Variants in OSBP2 observed in about 807,000 individuals in gnomAD.
OSBP2 encodes oxysterol binding protein 2.
A neutral mutation model predicts 96.0 loss-of-function variants in OSBP2; 66 were observed. The observed-to-expected ratio is 0.69, with a 90% CI of 0.56 to 0.84. The LOEUF (loss-of-function observed/expected upper bound fraction) is 0.84, where lower values mean the gene tolerates loss of function less well. OSBP2 is among the 40% of genes least tolerant of loss of function. The probability of loss-of-function intolerance (pLI) is 0.00; values close to 1 mark genes in which losing one functional copy is unlikely to be tolerated. For missense variants in OSBP2, 1,038 were observed against 1,222.7 expected (o/e 0.85, Z 2.25); for synonymous variants, 525 against 520.9 (o/e 1.01, Z -0.11).
intron 1 of OSBP2, among the ~76,000 whole-genome samples, chr22:30,730,808 A>ATATATATATAT (rs1491303061): frequency 8.4e-4 from 33 of 39,300 alleles, no homozygotes; most frequent in Non-Finnish European, 1.2e-3. Flanking sequence ...ATATATATAT[A>ATATATATATAT]ATTTTTTTTT....
Position 30,871,299 on chromosome 22 carries a change from A to G in OSBP2, c.1107+617A>G, listed in dbSNP as rs571450939. Among the ~76,000 whole-genome samples, 45 of 152,118 alleles carry G rather than the reference A, an allele frequency of 3.0e-4. No individual in the cohort carries two copies. The South Asian group carries it at 4.8e-3, about 16-fold the overall frequency. On this transcript the variant is annotated intron_variant, in intron 3 of 13. Transcript: ENST00000332585. The surrounding 1 kb of genome is among the most constrained non-coding windows in gnomAD (Gnocchi z 4.7). Reference sequence around the variant, plus strand: ...TGGCTCTGGAAGCCACACGGCTAGGACTGGGAGCCAGGAGGGTGTCTCGAT... The same window carrying G: ...TGGCTCTGGAAGCCACACGGCTAGGGCTGGGAGCCAGGAGGGTGTCTCGAT...
chr22:30,744,498 T>A (rs1247607520), intron 2 of OSBP2, among the ~76,000 whole-genome samples: 1 of 152,184 alleles, frequency 6.6e-6, no homozygotes, highest in Non-Finnish European at 1.5e-5. Context: ...ACTCCCCAGC[T>A]CTTTTGCCAT....
chr22:30,804,066 C>G (rs2036421929), intron 2 of OSBP2, among the ~76,000 whole-genome samples: 2 of 152,182 alleles, frequency 1.3e-5, no homozygotes, highest in African/African-American at 4.8e-5. Flanking sequence ...GCCTTCGACC[C>G]TACCAGCATT....
At chr22:30,718,285 G>A (rs973113347) in intron 1 of OSBP2, among the ~76,000 whole-genome samples, 6 of 152,192 alleles carry the variant, frequency 3.9e-5, no homozygotes. Flanking sequence ...TTCAGGGATG[G>A]CAGAAAGAAA....
At chr22:30,796,907 G>T (rs1297842963) in intron 2 of OSBP2, among the ~76,000 whole-genome samples, 1 of 152,154 alleles carries the variant, frequency 6.6e-6, no homozygotes, top group Non-Finnish European at 1.5e-5. Flanking sequence ...TATTAGTGTT[G>T]TTGTGCATCC....
intron 12 of OSBP2, chr22:30,902,309 C>CGGG: frequency 6.3e-7 from 1 of 1,580,728 alleles, no homozygotes; most frequent in Non-Finnish European, 8.7e-7. Flanking sequence ...AAGGAGTGTA[C>CGGG]GGGTAGTCAG....
Position 30,695,173 on chromosome 22 carries a change from TG to T in OSBP2, c.265del (p.Glu89SerfsTer26). 1.2e-6 allele frequency: 2 copies of T among 1,611,930 alleles called. No individual in the cohort carries two copies. The highest frequency in any genetic ancestry group is 1.7e-6 in the Non-Finnish European group (2 of 1,178,770). On this transcript the variant is annotated frameshift_variant, in exon 1 of 14. Coordinates refer to ENST00000332585, the MANE Select transcript of OSBP2 (RefSeq NM_030758.4). LOFTEE classifies it high-confidence loss of function. ...CGGAACCTGTGTCCGAGACGACGTC[TG>T]AGCCGGAGCCAGGGGCTGGGCAGCC... ...RSEPVSETTS[E>X]PEPGAGQPSE... is the part of the protein sequence containing the mutation.
chr22:30,700,659 C>A (rs779453921), intron 1 of OSBP2, among the ~76,000 whole-genome samples: 9 of 152,012 alleles, frequency 5.9e-5, no homozygotes, highest in Non-Finnish European at 8.8e-5. Context: ...CAAACAGAAG[C>A]ATTTTAAATA....
rs560754970 is a variant in OSBP2, at chr22:30,732,941, T to TAA, written c.645-8219_645-8218dup. Among the ~76,000 whole-genome samples, 707 of 152,304 alleles carry TAA rather than the reference T, an allele frequency of 4.6e-3. 1 individual carries two copies. Among genetic ancestry groups the TAA allele is most frequent in the South Asian group, 8.7e-3 (42 of 4,828 alleles). ...CTAGGCTGAAATGGGCCACTTTGTA[T>TAA]AAGGCTGTATCGAATGGAAGTCCAG... On this transcript the variant is annotated intron_variant, in intron 1 of 13. Transcript: ENST00000332585.
At chr22:30,805,699 G>A (rs1002956855) in intron 2 of OSBP2, among the ~76,000 whole-genome samples, 6 of 152,318 alleles carry the variant, frequency 3.9e-5, no homozygotes, top group African/African-American at 1.4e-4. Flanking sequence ...GCCATGAAAG[G>A]ACTCAATAGC....
intron 12 of OSBP2, among the ~76,000 whole-genome samples, chr22:30,894,687 A>C (rs1318656964): frequency 6.6e-6 from 1 of 152,252 alleles, no homozygotes; most frequent in African/African-American, 2.4e-5. Flanking sequence ...ATAACAAAGA[A>C]ATTCCTGCAC....
intron 2 of OSBP2, among the ~76,000 whole-genome samples, chr22:30,757,116 T>C (rs73400388): frequency 0.083 from 12,700 of 152,148 alleles, 1,419 homozygotes; most frequent in African/African-American, 0.26. Flanking sequence ...CTGTCCCCTT[T>C]GTGTGAGTCC....
chr22:30,799,682 G>T (rs1340701136), intron 2 of OSBP2, among the ~76,000 whole-genome samples: 1 of 152,244 alleles, frequency 6.6e-6, no homozygotes, highest in Non-Finnish European at 1.5e-5. Flanking sequence ...GATAGAAGTG[G>T]CAAATGCCTT....
At chr22:30,827,793 A>G (rs2038434487) in intron 2 of OSBP2, among the ~76,000 whole-genome samples, 1 of 152,182 alleles carries the variant, frequency 6.6e-6, no homozygotes, top group Non-Finnish European at 1.5e-5. Flanking sequence ...GCAGCTTGGA[A>G]TAAGGGGAAA....
Position 30,822,335 on chromosome 22 carries a change from G to A in OSBP2, c.854-48094G>A, listed in dbSNP as rs2038291223. Among the ~76,000 whole-genome samples, 3 of 152,376 alleles carry A rather than the reference G, an allele frequency of 2.0e-5. No homozygotes were observed. In the South Asian group the frequency reaches 6.2e-4, roughly 32 times the overall value. On this transcript the variant is annotated intron_variant, in intron 2 of 13. Transcript: ENST00000332585. ...GGGAGCCTGCATGGGCGTCCGCGGG[G>A]TCGCACGGACCAGCAGGCGACGCGC...
chr22:30,822,844 A>T (rs942521716), intron 2 of OSBP2: 48 of 723,212 alleles, frequency 6.6e-5, no homozygotes, highest in Non-Finnish European at 9.7e-5. Context: ...GAGCGCGGGG[A>T]GCCTCGGGGA....
intron 2 of OSBP2, among the ~76,000 whole-genome samples, chr22:30,760,764 G>A (rs1569112281): frequency 6.6e-6 from 1 of 151,966 alleles, no homozygotes; most frequent in Non-Finnish European, 1.5e-5. Context: ...GTTGCAGTGA[G>A]TGGAGATCGC....
At chr22:30,820,948 G>T (rs1044038799) in intron 2 of OSBP2, among the ~76,000 whole-genome samples, 1 of 152,238 alleles carries the variant, frequency 6.6e-6, no homozygotes, top group East Asian at 1.9e-4. Flanking sequence ...TCTATTAGAT[G>T]TTAAAAGAGG....
intron 1 of OSBP2, chr22:30,731,684 T>C (rs891658008): frequency 1.3e-5 from 2 of 154,780 alleles, no homozygotes; most frequent in African/African-American, 4.8e-5. Context: ...GAATCTCCGT[T>C]TTCCTTGGAG....
Sources: allele counts gnomAD v4.1 joint callset (sites outside exome capture counted in the v4.1 genomes callset), GRCh38; gene constraint gnomAD v4.1.1; non-coding constraint Gnocchi (gnomAD v3.1); transcripts MANE v1.5; gene names NCBI Gene and HGNC (gene_info 2026-07-23, HGNC 2026-07-21).